The following CCDC47 variants were observed in gnomAD, a reference collection of about 807,000 sequenced individuals.
The protein encoded by CCDC47 is coiled-coil domain containing 47, also known as PAT complex subunit CCDC47.
In CCDC47, 41 loss-of-function variants were observed where a neutral mutation model predicts 60.5. That is an observed-to-expected ratio of 0.68 (90% CI 0.53 to 0.88). The LOEUF is 0.88. CCDC47 is among the 40% of genes least tolerant of loss of function. CCDC47 has a pLI of 0.00. For synonymous variants in CCDC47, 195 were observed against 190.7 expected (o/e 1.02, Z -0.18); for missense variants, 513 against 580.9 (o/e 0.88, Z 1.20).
chr17:63,755,187 G>T, intron 8 of CCDC47: 1 of 518,948 alleles, frequency 1.9e-6, no homozygotes, highest in Non-Finnish European at 2.5e-6. Flanking sequence ...GGCTAGTCCT[G>T]AATCCCTGGA....
rs2039123954 is a variant in CCDC47, at chr17:63,746,848, G to C, written c.*33C>G. 1 of 1,463,238 alleles carries C rather than the reference G, an allele frequency of 6.8e-7. No individual in the cohort carries two copies. The highest frequency in any genetic ancestry group is 9.6e-7 in the Non-Finnish European group (1 of 1,043,080). The allele number at this position is 1,463,238 out of a possible 1,614,324, so 90.6% of individuals were successfully genotyped here. A position where few individuals can be genotyped will look rare whatever the true frequency, so the allele number is the denominator to read the frequency against. On this transcript the variant is annotated 3_prime_UTR_variant, in exon 13 of 13. Transcript: ENST00000225726. ...GTTTCCTGTGAATTCAGAGCTTACA[G>C]GTGGCATCAGAACTCAAATCTCTGG...
In CCDC47 at chr17:63,766,107, A is replaced by G. The variant is rs758708574; in HGVS notation, c.69T>C (p.Asp23=). The change falls in exon 2 of 13, where the codon GAT becomes GAC. Residue 23 remains aspartate, a synonymous_variant. Coordinates refer to ENST00000225726, the MANE Select transcript of CCDC47 (RefSeq NM_020198.3). Reference sequence around the variant, plus strand: ...CTATGTCCTCCTCATCCTCAAAATCATCAAACTTGGCTTCAGAGACACTCC... The same window carrying G: ...CTATGTCCTCCTCATCCTCAAAATCGTCAAACTTGGCTTCAGAGACACTCC... The part of the protein sequence containing the change: ...VFGSVSEAKF[D]DFEDEEDIVE... 1.9e-6 allele frequency: 3 copies of G among 1,614,140 alleles called. No homozygotes were observed. The highest frequency in any genetic ancestry group is 3.3e-5 in the Admixed American group (2 of 60,018).
intron 8 of CCDC47, 128 bp from the exon 9 acceptor site, chr17:63,754,646 G>A: frequency 1.7e-6 from 1 of 577,730 alleles, no homozygotes. Flanking sequence ...TGGGAGGCAG[G>A]TGGATTACTT....
intron 12 of CCDC47, among the ~76,000 whole-genome samples, chr17:63,749,453 GAAAA>G (rs34119562): frequency 7.0e-4 from 71 of 101,288 alleles, no homozygotes; most frequent in Non-Finnish European, 1.3e-3. Context: ...CCAGAATAAG[GAAAA>G]AAAAAAAAAA....
intron 3 of CCDC47, 91 bp downstream of exon 3, chr17:63,764,649 A>T: frequency 8.9e-7 from 1 of 1,127,550 alleles, no homozygotes; most frequent in Non-Finnish European, 1.3e-6. Context: ...CTATTGCATT[A>T]ACACCAGCTA....
At chr17:63,765,576 G>A (rs1464372638) in intron 2 of CCDC47, 2 of 376,478 alleles carry the variant, frequency 5.3e-6, no homozygotes, top group Non-Finnish European at 7.3e-6. Flanking sequence ...CTGACCTTGG[G>A]TGATCTGCCT....
chr17:63,761,123 AT>A (rs2039255805), intron 5 of CCDC47, 106 bp downstream of exon 5: 1 of 1,480,294 alleles, frequency 6.8e-7, no homozygotes, highest in African/African-American at 1.4e-5. Context: ...TTTAGACCTC[AT>A]TTTAAGTCAA....
rs1318187809 is a variant in CCDC47, at chr17:63,759,513, ATATATATATATATT to A, written c.735+1387_735+1400del. 1.5e-3 allele frequency among the ~76,000 whole-genome samples: 26 copies of A among 17,184 alleles called. 4 individuals carry two copies. In the African/African-American group the frequency reaches 0.016, roughly 10 times the overall value. The allele number at this position is 17,184 out of a possible 152,430, so 11.3% of individuals were successfully genotyped here. A position where few individuals can be genotyped will look rare whatever the true frequency, so the allele number is the denominator to read the frequency against. On this transcript the variant is annotated intron_variant, in intron 6 of 12. Transcript: ENST00000225726. ...CCCAAAAAAAAAAAAAAAAAAATAT[ATATATATATATATT>A]TATATATATATATATATATATATAT...
At chr17:63,765,039 T>C in intron 2 of CCDC47, 192 bp from the exon 3 acceptor site, 19 of 850,696 alleles carry the variant, frequency 2.2e-5, no homozygotes, top group Non-Finnish European at 2.5e-5. Context: ...GAAGACCTAA[T>C]GTGCAGCAAG....
At chr17:63,771,907 C>T (rs1240937071) in intron 1 of CCDC47, among the ~76,000 whole-genome samples, 6 of 151,898 alleles carry the variant, frequency 4.0e-5, no homozygotes, top group Non-Finnish European at 8.8e-5. Flanking sequence ...AATAGTGAAA[C>T]CCCACCTCTA....
chr17:63,751,515 T>G (rs1300907342), intron 12 of CCDC47, among the ~76,000 whole-genome samples: 2 of 150,434 alleles, frequency 1.3e-5, no homozygotes, highest in African/African-American at 4.9e-5. Flanking sequence ...TCTAGTTAGG[T>G]AAAAAACAGA....
chr17:63,748,244 G>A lies in CCDC47; in HGVS notation c.1372-1283C>T, dbSNP rs1342847360. Among the ~76,000 whole-genome samples, 12 of 151,382 alleles carry A rather than the reference G, an allele frequency of 7.9e-5. 1 individual carries two copies. Among genetic ancestry groups the A allele is most frequent in the Admixed American group, 7.9e-4 (12 of 15,188 alleles). ...TCTCCTGCCTCAGCCCCCGGAGTAG[G>A]TGGGATTACAGGTGTGTGCCATCAT... On this transcript the variant is annotated intron_variant, in intron 12 of 12. Coordinates refer to ENST00000225726, the MANE Select transcript of CCDC47 (RefSeq NM_020198.3).
intron 12 of CCDC47, among the ~76,000 whole-genome samples, chr17:63,750,027 TG>T (rs2144468182): frequency 6.6e-6 from 1 of 152,118 alleles, no homozygotes; most frequent in Non-Finnish European, 1.5e-5. Flanking sequence ...GGGGGTTGGG[TG>T]GGTTGTTCTA....
chr17:63,764,042 A>G lies in CCDC47; in HGVS notation c.521T>C (p.Leu174Pro), dbSNP rs752716975. Residue 174 changes from leucine to proline, a missense_variant, in exon 4 of 13, where the codon CTT becomes CCT. Transcript: ENST00000225726. ...AQAWFNTHRELLESNFTLVGD... is the reference protein window; with the variant it reads ...AQAWFNTHREPLESNFTLVGD... ...CACTAAAGTAAAGTTGCTCTCCAAA[A>G]GCTCCCTATGAGTGTTAAACCAGGC... 1.9e-6 allele frequency: 3 copies of G among 1,593,632 alleles called. No homozygotes were observed.
intron 12 of CCDC47, chr17:63,747,872 T>C (rs2048648693): frequency 1.3e-6 from 1 of 793,440 alleles, no homozygotes; most frequent in Non-Finnish European, 1.5e-6. Context: ...TATTTTTTTT[T>C]GAGATAGGGT....
intron 6 of CCDC47, 42 bp downstream of exon 6, chr17:63,760,872 A>T: frequency 1.5e-6 from 2 of 1,339,688 alleles, no homozygotes; most frequent in South Asian, 1.3e-5. Context: ...GAAAACAAAT[A>T]ATTCAGTCTG....
chr17:63,767,006 G>C (rs1321922158), intron 1 of CCDC47: 1 of 916,232 alleles, frequency 1.1e-6, no homozygotes, highest in African/African-American at 1.8e-5. Context: ...CTGTTCCAAA[G>C]ACTTTACAAA....
intron 6 of CCDC47, among the ~76,000 whole-genome samples, chr17:63,757,257 A>G (rs1314362890): frequency 6.6e-6 from 1 of 151,620 alleles, no homozygotes; most frequent in Non-Finnish European, 1.5e-5. Context: ...CTGTAGTCCC[A>G]GCTACTCAAG....
rs2144480765 is a variant in CCDC47 at position 63,756,456 on chromosome 17, C to T, written c.837+13G>A. 1 of 1,609,712 alleles carries T rather than the reference C, an allele frequency of 6.2e-7. No individual in the cohort carries two copies. The highest frequency in any genetic ancestry group is 1.3e-5 in the African/African-American group (1 of 74,940). ...AGTTCTACGTATATTTGAGTTGGAG[C>T]AACCTGACATACCAAATCCTGCATC... On this transcript the variant is annotated intron_variant, in intron 7 of 12. Coordinates refer to ENST00000225726, the MANE Select transcript of CCDC47 (RefSeq NM_020198.3).
Sources: gnomAD v4.1 joint callset for allele counts (sites outside exome capture counted in the v4.1 genomes callset) on GRCh38, gnomAD v4.1.1 for gene constraint, MANE v1.5 for transcripts, NCBI Gene and HGNC (gene_info 2026-07-23, HGNC 2026-07-21) for gene names.